The following DISC1 variants were observed in gnomAD, a reference collection of about 807,000 sequenced individuals.
DISC1 encodes DISC1 scaffold protein.
Under a neutral mutation model 84.5 loss-of-function variants are expected in DISC1, and 57 were observed. The ratio of observed to expected loss-of-function variants is 0.67; its 90% CI spans 0.55 to 0.84. The LOEUF is 0.84. Ranked by LOEUF, DISC1 falls within the 40% of genes least tolerant of loss-of-function variation. The probability of loss-of-function intolerance (pLI) is 0.00; values close to 1 mark genes in which losing one functional copy is unlikely to be tolerated. For synonymous variants in DISC1, 411 were observed against 415.2 expected, an observed-to-expected ratio of 0.99 and a Z score of 0.12; for missense variants, 1,000 against 1,057.8, an observed-to-expected ratio of 0.95 and a Z score of 0.76.
chr1:231,631,183 G>A (rs965045159), intron 1 of DISC1, among the ~76,000 whole-genome samples: 1 of 152,110 alleles, frequency 6.6e-6, no homozygotes, highest in African/African-American at 2.4e-5. Flanking sequence ...GTAAGATGTC[G>A]GCATCCTTAT....
chr1:231,889,471 G>A (rs145090151), intron 9 of DISC1, among the ~76,000 whole-genome samples: 13 of 152,334 alleles, frequency 8.5e-5, no homozygotes, highest in African/African-American at 3.1e-4. Flanking sequence ...AACAGCAAAC[G>A]TCACTGCTTA....
At chr1:231,899,188 G>A (rs140761449) in intron 9 of DISC1, among the ~76,000 whole-genome samples, 3 of 152,216 alleles carry the variant, frequency 2.0e-5, no homozygotes, top group South Asian at 2.1e-4. Flanking sequence ...TCCACCTTCC[G>A]TTCCCTATTT....
intron 6 of DISC1, among the ~76,000 whole-genome samples, chr1:231,783,142 ATTG>A (rs1334512538): frequency 1.3e-5 from 2 of 151,984 alleles, no homozygotes; most frequent in African/African-American, 4.8e-5. Context: ...CTTAGATCAA[ATTG>A]TTGTATTTAA....
rs2066485519 is a variant in DISC1 at position 231,702,001 on chromosome 1, T to C, written c.1094T>C (p.Val365Ala). 1 of 1,608,380 alleles carries C rather than the reference T, an allele frequency of 6.2e-7. No individual in the cohort carries two copies. Among genetic ancestry groups the C allele is most frequent in the Non-Finnish European group, 8.5e-7 (1 of 1,177,718 alleles). The change falls in exon 3 of 13, where the codon GTT becomes GCT. Residue 365 changes from valine (V) to alanine (A), a missense_variant. Transcript: ENST00000439617. The part of the protein sequence containing the change: ...LKLQKLQEDA[V>A]ENDDYDKAET... The stretch of plus-strand genomic sequence containing the variant: ...CTTCAGAAACTTCAGGAAGATGCAG[T>C]TGAGAATGATGATTATGATAAAGGT...
At chr1:232,029,497 T>C (rs1387880597) in intron 12 of DISC1, among the ~76,000 whole-genome samples, 1 of 152,252 alleles carries the variant, frequency 6.6e-6, no homozygotes, top group Non-Finnish European at 1.5e-5. Flanking sequence ...TGGTTTGTAT[T>C]TCCATGTTTG....
At chr1:231,912,910 T>A (rs1355318886) in intron 9 of DISC1, among the ~76,000 whole-genome samples, 1 of 149,886 alleles carries the variant, frequency 6.7e-6, no homozygotes, top group African/African-American at 2.5e-5. Flanking sequence ...TCTTTCTTCC[T>A]TTCTTTCTGT....
At chr1:231,727,154 T>A (rs1372803736) in intron 3 of DISC1, among the ~76,000 whole-genome samples, 1 of 152,142 alleles carries the variant, frequency 6.6e-6, no homozygotes, top group Non-Finnish European at 1.5e-5. Flanking sequence ...ATCCGTGGAA[T>A]ACTCAGAAAC....
chr1:231,890,156 T>A (rs1330608810), intron 9 of DISC1, among the ~76,000 whole-genome samples: 1 of 152,154 alleles, frequency 6.6e-6, no homozygotes, highest in Non-Finnish European at 1.5e-5. Flanking sequence ...TGCAATAAGT[T>A]GTGTAGTTGC....
At chr1:231,919,385 T>C (rs370725610) in intron 9 of DISC1, among the ~76,000 whole-genome samples, 4 of 152,318 alleles carry the variant, frequency 2.6e-5, no homozygotes, top group African/African-American at 9.6e-5. Context: ...TTGGGTGGAT[T>C]TCTTTTTCCT....
At chr1:231,679,852 C>G (rs1185759876) in intron 1 of DISC1, among the ~76,000 whole-genome samples, 2 of 152,230 alleles carry the variant, frequency 1.3e-5, no homozygotes, top group African/African-American at 4.8e-5. Context: ...CAGCCCCTGT[C>G]TAGTTATCAT....
rs537214887 is a variant in DISC1, at chr1:231,833,209, T to C, written c.1981+14692T>C. On this transcript the variant is annotated intron_variant, in intron 9 of 12. Transcript: ENST00000439617. ...AAGGGAACTGGACAGGTGGGGACAA[T>C]TAAAAAGGAGTGCTTAAAAGAGTAT... is the stretch of plus-strand genomic sequence containing the variant. Among the ~76,000 whole-genome samples, 458 of 148,874 alleles carry C rather than the reference T, an allele frequency of 3.1e-3. 4 individuals are homozygous for C. Among genetic ancestry groups the C allele is most frequent in the African/African-American group, 0.011 (405 of 38,546 alleles).
chr1:231,917,295 G>T (rs1029560335), intron 9 of DISC1, among the ~76,000 whole-genome samples: 2 of 151,998 alleles, frequency 1.3e-5, no homozygotes, highest in African/African-American at 2.4e-5. Context: ...CTCTTCTATC[G>T]AGATGCAATC....
At chr1:231,931,645 A>AT (rs10652394) in intron 9 of DISC1, among the ~76,000 whole-genome samples, 22,788 of 137,818 alleles carry the variant, frequency 0.17, 2,097 homozygotes, top group Middle Eastern at 0.2. Context: ...ACTGCTTGTG[A>AT]TTTTTTTTTT....
intron 7 of DISC1, among the ~76,000 whole-genome samples, chr1:231,798,173 G>C (rs963863539): frequency 6.7e-6 from 1 of 148,880 alleles, no homozygotes; most frequent in African/African-American, 2.5e-5. Context: ...TTAGACTCCT[G>C]TCTCAGAAAG....
intron 12 of DISC1, among the ~76,000 whole-genome samples, chr1:232,033,163 T>C (rs375073506): frequency 6.6e-6 from 1 of 152,338 alleles, no homozygotes; most frequent in East Asian, 1.9e-4. Context: ...TTCCTAGTCC[T>C]CTTCTTCTCA....
At chr1:231,720,891 C>G in intron 3 of DISC1, 1 of 1,290,924 alleles carries the variant, frequency 7.7e-7, no homozygotes, top group Non-Finnish European at 1.0e-6. Flanking sequence ...CTTTGCATAC[C>G]TAGTTCTGAC....
At chr1:231,955,331 C>T (rs1659246301) in intron 9 of DISC1, among the ~76,000 whole-genome samples, 1 of 152,164 alleles carries the variant, frequency 6.6e-6, no homozygotes. Context: ...TTGACATCTC[C>T]ACTGAATTTC....
chr1:232,031,223 AAGAG>A lies in DISC1; in HGVS notation c.2425+4679_2425+4682del, dbSNP rs372487775. 0.14 allele frequency among the ~76,000 whole-genome samples: 20,089 copies of A among 146,938 alleles called. 1,510 individuals carry two copies. The highest frequency in any genetic ancestry group is 0.2 in the South Asian group (927 of 4,536). Reference sequence around the variant, plus strand: ...AGAGAGAGGAAGGAAGGAAGGGAGAAAGAGAGAGAGAAAGAGAGGAAGGAAGGAA... The same window carrying A: ...AGAGAGAGGAAGGAAGGAAGGGAGAAAGAGAGAAAGAGAGGAAGGAAGGAA... On this transcript the variant is annotated intron_variant, in intron 12 of 12. Coordinates refer to ENST00000439617, the MANE Select transcript of DISC1 (RefSeq NM_018662.3). This position sits in a 1 kb window ranked among gnomAD's most constrained non-coding sequence, Gnocchi z 4.6.
At chr1:231,915,237 A>C (rs2089528336) in intron 9 of DISC1, among the ~76,000 whole-genome samples, 1 of 152,104 alleles carries the variant, frequency 6.6e-6, no homozygotes, top group South Asian at 2.1e-4. Context: ...TTGGTGCCTC[A>C]TGGTTTCAGG....
Sources: gnomAD v4.1 joint callset for allele counts (sites outside exome capture counted in the v4.1 genomes callset) on GRCh38, gnomAD v4.1.1 for gene constraint, Gnocchi (gnomAD v3.1) non-coding constraint, MANE v1.5 for transcripts, NCBI Gene and HGNC (gene_info 2026-07-23, HGNC 2026-07-21) for gene names.